The following ADGRA3 variants were observed in gnomAD, a reference collection of about 807,000 sequenced individuals.
The protein encoded by ADGRA3 is G-protein coupled receptor 125.
ADGRA3 carries 56 observed loss-of-function variants against 119.8 expected under a neutral mutation model. That is an observed-to-expected ratio of 0.47 (90% confidence interval 0.38 to 0.58). ADGRA3 has a LOEUF of 0.58. Ranked by LOEUF, ADGRA3 falls within the 20% of genes least tolerant of loss-of-function variation. ADGRA3 has a pLI of 0.00. For synonymous variants in ADGRA3, 607 were observed against 623.8 expected (o/e 0.97, Z 0.40); for missense variants, 1,516 against 1,649.0 (o/e 0.92, Z 1.40).
chr4:22,426,645 C>T (rs1020519655), intron 10 of ADGRA3, among the ~76,000 whole-genome samples: 1 of 152,130 alleles, frequency 6.6e-6, no homozygotes, highest in African/African-American at 2.4e-5. Flanking sequence ...GTGATAACTG[C>T]TACAAGGGAA....
chr4:22,469,781 G>A (rs990001524), intron 2 of ADGRA3, among the ~76,000 whole-genome samples: 21 of 152,060 alleles, frequency 1.4e-4, no homozygotes, highest in Non-Finnish European at 2.2e-4. Context: ...GACCTGACAC[G>A]GCTCCCTGCT....
chr4:22,442,497 A>G (rs180707256), intron 7 of ADGRA3, among the ~76,000 whole-genome samples, 153 bp downstream of exon 7: 89 of 152,286 alleles, frequency 5.8e-4, no homozygotes, highest in African/African-American at 2.1e-3. Flanking sequence ...TAGAAGATGA[A>G]TAAGAACCAG....
intron 1 of ADGRA3, among the ~76,000 whole-genome samples, chr4:22,494,756 T>C (rs1718752690): frequency 6.6e-6 from 1 of 152,012 alleles, no homozygotes; most frequent in Non-Finnish European, 1.5e-5. Flanking sequence ...TGTTTCATTT[T>C]CAACTTAAAA....
At chr4:22,501,137 G>A (rs1719035497) in intron 1 of ADGRA3, among the ~76,000 whole-genome samples, 1 of 152,066 alleles carries the variant, frequency 6.6e-6, no homozygotes, top group African/African-American at 2.4e-5. Flanking sequence ...ATAACCATGT[G>A]AGCCAACACC....
intron 10 of ADGRA3, among the ~76,000 whole-genome samples, chr4:22,432,003 G>A (rs1716196535): frequency 6.6e-6 from 1 of 151,966 alleles, no homozygotes; most frequent in Non-Finnish European, 1.5e-5. Flanking sequence ...ACCTATAGAT[G>A]ACCTTAAGTG....
At chr4:22,425,975 G>A (rs547555589) in intron 10 of ADGRA3, among the ~76,000 whole-genome samples, 4 of 152,248 alleles carry the variant, frequency 2.6e-5, no homozygotes, top group South Asian at 2.1e-4. Flanking sequence ...TCCCTTCTTC[G>A]TAACTACAGA....
Position 22,392,589 on chromosome 4 carries a change from G to A in ADGRA3, c.2583C>T (p.Cys861=). 3.1e-6 allele frequency: 5 copies of A among 1,613,818 alleles called. No individual in the cohort carries two copies. Among genetic ancestry groups the A allele is most frequent in the East Asian group, 2.2e-5 (1 of 44,838 alleles). ...GAGGTGGTGGTTCATCAGGATCCTG[G>A]CATCTTTTAGCTTTTTTAGTGACTT... ...YKQVTKKAKR[C]QDPDEPPPPP... Residue 861 remains cysteine, a synonymous_variant, in exon 17 of 19, where the codon TGC becomes TGT. Coordinates refer to ENST00000334304, the MANE Select transcript of ADGRA3 (RefSeq NM_145290.4).
At chr4:22,403,323 G>A (rs1463054194) in intron 14 of ADGRA3, among the ~76,000 whole-genome samples, 1 of 152,064 alleles carries the variant, frequency 6.6e-6, no homozygotes, top group Non-Finnish European at 1.5e-5. Flanking sequence ...CATGGTTCCT[G>A]TCCCTGAAGA....
intron 4 of ADGRA3, among the ~76,000 whole-genome samples, chr4:22,451,029 A>C (rs996359043): frequency 6.7e-6 from 1 of 150,016 alleles, no homozygotes; most frequent in Non-Finnish European, 1.5e-5. Flanking sequence ...GATGAAAGGA[A>C]ATCTAATTTT....
chr4:22,439,964 A>T (rs1716547396), intron 7 of ADGRA3, among the ~76,000 whole-genome samples: 1 of 152,206 alleles, frequency 6.6e-6, no homozygotes, highest in Admixed American at 6.5e-5. Flanking sequence ...AGTAACACAC[A>T]TAAATTTGAA....
chr4:22,469,101 C>T (rs1717767657), intron 2 of ADGRA3, among the ~76,000 whole-genome samples: 2 of 152,062 alleles, frequency 1.3e-5, no homozygotes, highest in Non-Finnish European at 2.9e-5. Context: ...GGCCTATGTA[C>T]TCTTCCTGCA....
At chr4:22,497,913 C>A (rs1401236281) in intron 1 of ADGRA3, among the ~76,000 whole-genome samples, 3 of 149,126 alleles carry the variant, frequency 2.0e-5, no homozygotes, top group African/African-American at 7.4e-5. Context: ...CACTTCACTC[C>A]AGCCTGGGCA....
chr4:22,467,322 T>G (rs13136131), intron 2 of ADGRA3, among the ~76,000 whole-genome samples: 94,955 of 151,998 alleles, frequency 0.62, 29,953 homozygotes, highest in East Asian at 0.72. Context: ...CATCAGGACT[T>G]ACTTATTAGT....
At chr4:22,441,427 A>C (rs748278230) in intron 7 of ADGRA3, among the ~76,000 whole-genome samples, 1 of 152,210 alleles carries the variant, frequency 6.6e-6, no homozygotes, top group Non-Finnish European at 1.5e-5. Context: ...CTTTTTCTTC[A>C]ATGGCCAGAC....
chr4:22,434,384 G>T (rs1269853259), intron 10 of ADGRA3, among the ~76,000 whole-genome samples: 1 of 151,994 alleles, frequency 6.6e-6, no homozygotes, highest in Non-Finnish European at 1.5e-5. Flanking sequence ...TTTCCTCACA[G>T]TTGTGTACAG....
chr4:22,464,544 G>A (rs559587672), intron 2 of ADGRA3, among the ~76,000 whole-genome samples: 2 of 152,310 alleles, frequency 1.3e-5, no homozygotes, highest in African/African-American at 2.4e-5. Flanking sequence ...GTTCCCTGCT[G>A]TGAATGCCAT....
chr4:22,396,478 T>C (rs1312047908), intron 16 of ADGRA3, among the ~76,000 whole-genome samples: 2 of 152,188 alleles, frequency 1.3e-5, no homozygotes, highest in Admixed American at 1.3e-4. Flanking sequence ...GCCTGACCCA[T>C]TTTATAGAAG....
chr4:22,401,417 T>C lies in ADGRA3; in HGVS notation c.2481+14A>G, dbSNP rs766680240. 1 of 1,576,722 alleles carries C rather than the reference T, an allele frequency of 6.3e-7. No homozygotes were observed. The highest frequency in any genetic ancestry group is 8.6e-7 in the Non-Finnish European group (1 of 1,162,096). Reference sequence around the variant, plus strand: ...CAGTAATTTTTTCCATTTCGGTTTTTCACTCTGACTTACTGCTTGGCAGAT... The same window carrying C: ...CAGTAATTTTTTCCATTTCGGTTTTCCACTCTGACTTACTGCTTGGCAGAT... On this transcript the variant is annotated intron_variant, in intron 16 of 18. Transcript: ENST00000334304.
intron 16 of ADGRA3, among the ~76,000 whole-genome samples, chr4:22,397,410 G>C (rs1369385218): frequency 2.0e-5 from 3 of 151,980 alleles, no homozygotes; most frequent in Non-Finnish European, 2.9e-5. Flanking sequence ...TCGATCTCTT[G>C]ACCTCGTGAT....
Sources: gnomAD v4.1 joint callset for allele counts (sites outside exome capture counted in the v4.1 genomes callset) on GRCh38, gnomAD v4.1.1 for gene constraint, MANE v1.5 for transcripts, NCBI Gene and HGNC (gene_info 2026-07-23, HGNC 2026-07-21) for gene names.